Variants in SEMA6A observed in about 807,000 individuals in gnomAD.
SEMA6A encodes the protein semaphorin-6A.
In SEMA6A, 25 loss-of-function variants were observed where a neutral mutation model predicts 96.8. That is an observed-to-expected ratio of 0.26 (90% CI 0.19 to 0.36). The LOEUF is 0.36. SEMA6A is among the 10% of genes least tolerant of loss of function. The pLI, the probability that SEMA6A is intolerant of heterozygous loss-of-function variation, is 1.00. For missense variants in SEMA6A, 1,363 were observed against 1,323.1 expected (o/e 1.03, Z -0.47); for synonymous variants, 612 against 518.0 (o/e 1.18, Z -2.46).
intron 1 of SEMA6A, among the ~76,000 whole-genome samples, chr5:116,541,968 G>T (rs746594659): frequency 6.6e-6 from 1 of 152,216 alleles, no homozygotes; most frequent in African/African-American, 2.4e-5. Context: ...AGTCTCATGT[G>T]CAGAAGCACA....
At chr5:116,493,729 G>C (rs258012) in intron 6 of SEMA6A, among the ~76,000 whole-genome samples, 1 of 151,796 alleles carries the variant, frequency 6.6e-6, no homozygotes. Context: ...TTGTTGGTGC[G>C]GATTCCAGCC....
chr5:116,493,329 A>T (rs1196839389), intron 6 of SEMA6A, among the ~76,000 whole-genome samples: 1 of 152,206 alleles, frequency 6.6e-6, no homozygotes, highest in Non-Finnish European at 1.5e-5. Context: ...CAGGGATGGA[A>T]TATTAAGTGG....
chr5:116,502,652 GTTTTC>G, intron 2 of SEMA6A: 1 of 234,916 alleles, frequency 4.3e-6, no homozygotes, highest in South Asian at 7.6e-5. Flanking sequence ...TTCTTCCACA[GTTTTC>G]TTTTCATCTT....
At chr5:116,517,967 C>T (rs1758746684) in intron 1 of SEMA6A, among the ~76,000 whole-genome samples, 1 of 152,214 alleles carries the variant, frequency 6.6e-6, no homozygotes, top group African/African-American at 2.4e-5. Context: ...CTGGTCACGG[C>T]ATTTTCCAAT....
chr5:116,450,405 C>G (rs1475938026), intron 18 of SEMA6A, among the ~76,000 whole-genome samples: 1 of 152,162 alleles, frequency 6.6e-6, no homozygotes, highest in Non-Finnish European at 1.5e-5. Context: ...TTAAACTGCC[C>G]TCTCAGTTTA....
At chr5:116,511,169 T>G (rs1758385550) in intron 1 of SEMA6A, among the ~76,000 whole-genome samples, 1 of 152,236 alleles carries the variant, frequency 6.6e-6, no homozygotes, top group Non-Finnish European at 1.5e-5. Context: ...ATAGTTTTTG[T>G]ATGTAACCTA....
In SEMA6A at chr5:116,502,292, G is replaced by A; in HGVS notation, c.136C>T (p.Pro46Ser). 6.2e-7 allele frequency: 1 copy of A among 1,613,892 alleles called. No individual in the cohort carries two copies. Among genetic ancestry groups the A allele is most frequent in the Non-Finnish European group, 8.5e-7 (1 of 1,179,852 alleles). Residue 46 changes from proline (P) to serine (S), a missense_variant, in exon 3 of 19, where the codon CCA (proline) becomes TCA (serine). Transcript: ENST00000343348. ...KQYPVFVGHK[P>S]GRNTTQRHRL... ...TGCCTCTGTGTGGTGTTCCGTCCTG[G>A]CTTGTGGCCCACAAACACCGGATAC...
chr5:116,555,745 T>G (rs1760582799), intron 1 of SEMA6A, among the ~76,000 whole-genome samples: 1 of 152,112 alleles, frequency 6.6e-6, no homozygotes, highest in Admixed American at 6.6e-5. Flanking sequence ...GAGGATCACT[T>G]GAGCCCAGGA....
chr5:116,524,042 A>T (rs1250676958), intron 1 of SEMA6A, among the ~76,000 whole-genome samples: 1 of 152,198 alleles, frequency 6.6e-6, no homozygotes, highest in Admixed American at 6.5e-5. Context: ...CAACCCACTT[A>T]CAGAATATAA....
At chr5:116,509,731 G>T (rs530824570) in intron 1 of SEMA6A, among the ~76,000 whole-genome samples, 6 of 152,170 alleles carry the variant, frequency 3.9e-5, no homozygotes, top group African/African-American at 1.4e-4. Flanking sequence ...GCGGCAGGGG[G>T]AATAAGGGGA....
chr5:116,484,273 G>T (rs1347613404), intron 10 of SEMA6A, among the ~76,000 whole-genome samples: 1 of 152,068 alleles, frequency 6.6e-6, no homozygotes, highest in African/African-American at 2.4e-5. Flanking sequence ...AATAACTAAA[G>T]ATATCCTAGG....
At chr5:116,568,006 C>T (rs1761079553) in intron 1 of SEMA6A, among the ~76,000 whole-genome samples, 1 of 152,168 alleles carries the variant, frequency 6.6e-6, no homozygotes, top group Non-Finnish European at 1.5e-5. Context: ...AATAAAGTTG[C>T]TATCCATGCT....
intron 1 of SEMA6A, among the ~76,000 whole-genome samples, chr5:116,524,604 T>TAAA (rs557950296): frequency 0.049 from 7,190 of 146,666 alleles, 311 homozygotes; most frequent in African/African-American, 0.12. Flanking sequence ...GTCAGACCTT[T>TAAA]AAAAAAAAAA....
At chr5:116,465,548 C>A (rs918715643) in intron 18 of SEMA6A, among the ~76,000 whole-genome samples, 1 of 152,188 alleles carries the variant, frequency 6.6e-6, no homozygotes, top group Non-Finnish European at 1.5e-5. Context: ...GTTAAACACC[C>A]ATGCAGTCAC....
At chr5:116,545,398 C>T (rs917597196) in intron 1 of SEMA6A, among the ~76,000 whole-genome samples, 6 of 152,036 alleles carry the variant, frequency 3.9e-5, no homozygotes, top group Non-Finnish European at 7.4e-5. Flanking sequence ...GGTCAAATCC[C>T]GTCTCTACTA....
intron 17 of SEMA6A, chr5:116,471,324 G>C (rs904979663): frequency 6.6e-6 from 1 of 152,168 alleles, no homozygotes; most frequent in Non-Finnish European, 1.5e-5. Flanking sequence ...TTGTTCATAA[G>C]AGTATCTCAT....
intron 1 of SEMA6A, chr5:116,562,823 G>C: frequency 1.4e-6 from 1 of 708,210 alleles, no homozygotes. Context: ...CAAGGAACTG[G>C]GTATTACTGC....
chr5:116,469,035 T>G (rs1445538713), intron 17 of SEMA6A: 1 of 151,926 alleles, frequency 6.6e-6, no homozygotes, highest in Non-Finnish European at 1.5e-5. Context: ...AAAACATATA[T>G]AACAAAGATA....
At chr5:116,552,107 T>G (rs1760440397) in intron 1 of SEMA6A, among the ~76,000 whole-genome samples, 1 of 152,170 alleles carries the variant, frequency 6.6e-6, no homozygotes. Flanking sequence ...AATCACTGAT[T>G]AACCTGGAGA....
Sources: gnomAD v4.1 joint callset for allele counts (sites outside exome capture counted in the v4.1 genomes callset) on GRCh38, gnomAD v4.1.1 for gene constraint, MANE v1.5 for transcripts, NCBI Gene and HGNC (gene_info 2026-07-23, HGNC 2026-07-21) for gene names.